The following MORC1 variants were observed in gnomAD, a reference collection of about 807,000 sequenced individuals.
MORC1 encodes MORC family CW-type zinc finger protein 1.
MORC1 carries 59 observed loss-of-function variants against 134.9 expected under a neutral mutation model. The ratio of observed to expected loss-of-function variants is 0.44; its 90% CI spans 0.35 to 0.54. The LOEUF (loss-of-function observed/expected upper bound fraction) is 0.54, where lower values mean the gene tolerates loss of function less well. MORC1 is among the 20% of genes least tolerant of loss of function. MORC1 has a pLI of 0.00. For synonymous variants in MORC1, 395 were observed against 391.7 expected, an observed-to-expected ratio of 1.01 and a Z score of -0.10; for missense variants, 947 against 1,134.5, an observed-to-expected ratio of 0.83 and a Z score of 2.37.
chr3:109,021,727 A>C (rs1365473476), intron 17 of MORC1, among the ~76,000 whole-genome samples: 1 of 152,126 alleles, frequency 6.6e-6, no homozygotes, highest in East Asian at 1.9e-4. Flanking sequence ...GGGTCTGTTT[A>C]GTAAACCACA....
intron 8 of MORC1, among the ~76,000 whole-genome samples, chr3:109,073,357 G>T (rs1223111962): frequency 6.6e-6 from 1 of 152,204 alleles, no homozygotes; most frequent in Non-Finnish European, 1.5e-5. Context: ...TGTGGCTGGA[G>T]TCTGGAAACG....
In MORC1 at chr3:109,007,028, C is replaced by A. The variant is rs774023589; in HGVS notation, c.1767+1G>T. The A allele has an allele frequency of 3.1e-6, 5 of 1,609,340 alleles. No homozygotes were observed. Among genetic ancestry groups the A allele is most frequent in the South Asian group, 1.1e-5 (1 of 90,536 alleles). On this transcript the variant is annotated splice_donor_variant, in intron 18 of 27. Transcript: ENST00000232603. LOFTEE classifies it high-confidence loss of function. ...TGCTTAATCCTATATTAATTACTCA[C>A]CTTATGTGCTGAAGTTAGGCAGGTG...
At chr3:109,076,726 A>C (rs1169585017) in intron 8 of MORC1, among the ~76,000 whole-genome samples, 1 of 152,122 alleles carries the variant, frequency 6.6e-6, no homozygotes, top group East Asian at 1.9e-4. Context: ...CTAACACAGA[A>C]ACAGAAAACC....
intron 26 of MORC1, 107 bp downstream of exon 26, chr3:108,969,562 G>T: frequency 8.8e-7 from 1 of 1,131,470 alleles, no homozygotes. Context: ...ATAAGTGAAT[G>T]CAAATTTGAT....
chr3:109,100,297 CT>C, intron 5 of MORC1, 119 bp downstream of exon 5: 2 of 779,878 alleles, frequency 2.6e-6, no homozygotes, highest in Non-Finnish European at 4.2e-6. Context: ...TAGGTCACCC[CT>C]GCCTCAAGTT....
At chr3:108,961,574 G>A (rs969724288) in intron 27 of MORC1, among the ~76,000 whole-genome samples, 3 of 152,094 alleles carry the variant, frequency 2.0e-5, no homozygotes, top group Admixed American at 6.6e-5. Context: ...GTACTCTACG[G>A]CAGTGGCTCT....
chr3:109,060,969 T>C (rs1950066312), intron 11 of MORC1, among the ~76,000 whole-genome samples: 2 of 150,774 alleles, frequency 1.3e-5, no homozygotes, highest in East Asian at 1.9e-4. Flanking sequence ...AACAATAAGA[T>C]AGGTTTACCC....
chr3:109,021,860 T>C (rs1236920218), intron 17 of MORC1, among the ~76,000 whole-genome samples: 4 of 152,214 alleles, frequency 2.6e-5, no homozygotes, highest in African/African-American at 7.2e-5. Context: ...GTGCCCAGCA[T>C]TGCACCAGGT....
At chr3:109,049,357 A>G (rs896287434) in intron 14 of MORC1, among the ~76,000 whole-genome samples, 8 of 152,230 alleles carry the variant, frequency 5.3e-5, no homozygotes, top group South Asian at 2.1e-4. Context: ...GTTAGGTGAT[A>G]GCATAATCAG....
At position 109,114,374 on chromosome 3, in the gene MORC1, T is replaced by C; in HGVS notation, c.119+10A>G. Reference sequence around the variant, plus strand: ...TCCCTCAGTAACTGTTGTTTACAGATAAACCTTACCTTGCATTGTCCAGCA... The same window carrying C: ...TCCCTCAGTAACTGTTGTTTACAGACAAACCTTACCTTGCATTGTCCAGCA... On this transcript the variant is annotated intron_variant, in intron 2 of 27. Transcript: ENST00000232603. 6.2e-7 allele frequency: 1 copy of C among 1,607,164 alleles called. No individual in the cohort carries two copies. The highest frequency in any genetic ancestry group is 8.5e-7 in the Non-Finnish European group (1 of 1,174,832).
At chr3:109,075,831 G>A (rs1243107239) in intron 8 of MORC1, among the ~76,000 whole-genome samples, 1 of 151,784 alleles carries the variant, frequency 6.6e-6, no homozygotes, top group Non-Finnish European at 1.5e-5. Flanking sequence ...TTTATTCTGT[G>A]AAGAAAGTCA....
At position 108,958,851 on chromosome 3, in the gene MORC1, T is replaced by C; in HGVS notation, c.*114A>G. On this transcript the variant is annotated 3_prime_UTR_variant, in exon 28 of 28. Coordinates refer to ENST00000232603, the MANE Select transcript of MORC1 (RefSeq NM_014429.4). ...TATTTGAAAAAAATTATTTCTTATT[T>C]CTTATTGTTAAACAGAATAGACTTT... is the stretch of plus-strand genomic sequence containing the variant. 1.6e-6 allele frequency: 1 copy of C among 642,992 alleles called. No individual in the cohort carries two copies. Among genetic ancestry groups the C allele is most frequent in the Non-Finnish European group, 2.4e-6 (1 of 417,970 alleles). The allele number at this position is 642,992 out of a possible 1,614,324, so 39.8% of individuals were successfully genotyped here.
chr3:109,083,051 C>T (rs1158461644), intron 8 of MORC1, among the ~76,000 whole-genome samples: 1 of 152,004 alleles, frequency 6.6e-6, no homozygotes, highest in African/African-American at 2.4e-5. Flanking sequence ...AAGCAAGTAA[C>T]ACATAAAGGA....
intron 17 of MORC1, among the ~76,000 whole-genome samples, chr3:109,025,356 T>A (rs560473634): frequency 1.3e-5 from 2 of 150,902 alleles, no homozygotes. Flanking sequence ...TATATAACTT[T>A]CTTTGGTTTC....
intron 17 of MORC1, among the ~76,000 whole-genome samples, chr3:109,023,647 T>C (rs1348921381): frequency 1.3e-5 from 2 of 152,138 alleles, no homozygotes; most frequent in African/African-American, 2.4e-5. Flanking sequence ...TGTCACACAA[T>C]AGAAGGTAGA....
intron 15 of MORC1, among the ~76,000 whole-genome samples, chr3:109,034,597 T>C (rs1051078162): frequency 1.3e-5 from 2 of 152,320 alleles, no homozygotes; most frequent in East Asian, 3.9e-4. Flanking sequence ...AGTTACTAAA[T>C]TCCTACTATG....
At chr3:108,978,285 G>C (rs1316801160) in intron 24 of MORC1, among the ~76,000 whole-genome samples, 2 of 152,180 alleles carry the variant, frequency 1.3e-5, no homozygotes, top group Non-Finnish European at 2.9e-5. Flanking sequence ...GGGATATTTG[G>C]TGGTCAGAAC....
chr3:109,007,009 A>G lies in MORC1; in HGVS notation c.1767+20T>C. On this transcript the variant is annotated intron_variant, in intron 18 of 27. Transcript: ENST00000232603. ...GTTAAAACATGACACAAATTGCTTA[A>G]TCCTATATTAATTACTCACCTTATG... 1.3e-6 allele frequency: 2 copies of G among 1,585,430 alleles called. No individual in the cohort carries two copies. The highest frequency in any genetic ancestry group is 1.7e-6 in the Non-Finnish European group (2 of 1,162,656).
Position 109,000,476 on chromosome 3 carries a change from A to G in MORC1, c.2187+81T>C, listed in dbSNP as rs1212057076. ...GGTTTTCCAACTAAATGTTTCCACT[A>G]CTTTGAGACACTAACAGATCCCTCT... is the stretch of plus-strand genomic sequence containing the variant. On this transcript the variant is annotated intron_variant, in intron 21 of 27. Coordinates refer to ENST00000232603, the MANE Select transcript of MORC1 (RefSeq NM_014429.4). The G allele has an allele frequency of 1.1e-5, 11 of 1,045,282 alleles. No homozygotes were observed. The East Asian group carries it at 2.0e-4, about 19-fold the overall frequency. The allele number at this position is 1,045,282 out of a possible 1,614,324, so 64.8% of individuals were successfully genotyped here. A position where few individuals can be genotyped will look rare whatever the true frequency, so the allele number is the denominator to read the frequency against.
Sources: allele counts gnomAD v4.1 joint callset (sites outside exome capture counted in the v4.1 genomes callset), GRCh38; gene constraint gnomAD v4.1.1; transcripts MANE v1.5; gene names NCBI Gene and HGNC (gene_info 2026-07-23, HGNC 2026-07-21).